ANK1: variants seen among roughly 807,000 people sequenced by gnomAD.
The protein encoded by ANK1 is ankyrin-1.
A neutral mutation model predicts 210.4 loss-of-function variants in ANK1; 51 were observed. The ratio of observed to expected loss-of-function variants is 0.24; its 90% confidence interval spans 0.19 to 0.31. The LOEUF is 0.31. Ranked by LOEUF, ANK1 falls within the 10% of genes least tolerant of loss-of-function variation. The pLI is 1.00. For synonymous variants in ANK1, 967 were observed against 1,025.9 expected, an observed-to-expected ratio of 0.94 and a Z score of 1.10; for missense variants, 2,051 against 2,504.4, an observed-to-expected ratio of 0.82 and a Z score of 3.86.
At chr8:41,744,934 T>A (rs1488170714) in intron 2 of ANK1, among the ~76,000 whole-genome samples, 1 of 152,136 alleles carries the variant, frequency 6.6e-6, no homozygotes, top group African/African-American at 2.4e-5. Flanking sequence ...TGGAAAACAG[T>A]CAAACACATG....
intron 1 of ANK1, among the ~76,000 whole-genome samples, chr8:41,833,697 G>T (rs1024059998): frequency 6.6e-6 from 1 of 152,228 alleles, no homozygotes; most frequent in South Asian, 2.1e-4. Flanking sequence ...TGAACAGGCA[G>T]TTATTAGGCA....
Position 41,708,946 on chromosome 8 carries a change from G to A in ANK1, c.1830C>T (p.Ala610=), listed in dbSNP as rs749507919. 1 of 1,614,050 alleles carries A rather than the reference G, an allele frequency of 6.2e-7. No homozygotes were observed. Among genetic ancestry groups the A allele is most frequent in the Non-Finnish European group, 8.5e-7 (1 of 1,180,028 alleles). The change falls in exon 17 of 43, where the codon GCC becomes GCT. Residue 610 remains alanine, a synonymous_variant. Coordinates refer to ENST00000289734, the MANE Select transcript of ANK1 (RefSeq NM_000037.4). The stretch of plus-strand genomic sequence containing the variant: ...GGGCCACCTCCACCTGGTTCTGCTT[G>A]GCAGCGATGTGCAAAGGGGTGTAGC... ...WNGYTPLHIA[A]KQNQVEVARS...
chr8:41,875,106 C>T (rs1007078910), intron 1 of ANK1, among the ~76,000 whole-genome samples: 5 of 152,132 alleles, frequency 3.3e-5, no homozygotes, highest in Non-Finnish European at 7.4e-5. Context: ...GGAAAGGGTA[C>T]GGGATGACCG....
intron 1 of ANK1, among the ~76,000 whole-genome samples, chr8:41,833,034 C>T (rs987126454): frequency 6.6e-6 from 1 of 152,216 alleles, no homozygotes; most frequent in Non-Finnish European, 1.5e-5. Context: ...AGGCAAACAG[C>T]ATGCCCTCTC....
At chr8:41,709,651 G>A (rs1171938299) in intron 16 of ANK1, among the ~76,000 whole-genome samples, 1 of 152,236 alleles carries the variant, frequency 6.6e-6, no homozygotes, top group East Asian at 1.9e-4. Flanking sequence ...GATATAAAAA[G>A]TTGGCAGGGC....
chr8:41,866,436 C>T (rs1190196057), intron 1 of ANK1, among the ~76,000 whole-genome samples: 1 of 145,674 alleles, frequency 6.9e-6, no homozygotes, highest in African/African-American at 2.8e-5. Flanking sequence ...TCAAGTAATC[C>T]TCCTGCCTTG....
chr8:41,792,705 T>A (rs1847987373), intron 1 of ANK1, among the ~76,000 whole-genome samples: 1 of 152,140 alleles, frequency 6.6e-6, no homozygotes, highest in Non-Finnish European at 1.5e-5. Flanking sequence ...TCTGATGAAG[T>A]GCAATGAGAG....
intron 2 of ANK1, among the ~76,000 whole-genome samples, chr8:41,744,221 A>G (rs904245206): frequency 6.6e-6 from 1 of 152,206 alleles, no homozygotes; most frequent in Non-Finnish European, 1.5e-5. Flanking sequence ...CTACACAAAT[A>G]AAGAAAAAAT....
At chr8:41,874,317 G>A (rs960783000) in intron 1 of ANK1, among the ~76,000 whole-genome samples, 40 of 152,228 alleles carry the variant, frequency 2.6e-4, no homozygotes, top group Admixed American at 2.6e-4. Flanking sequence ...GAAAGGCCTC[G>A]ATTTCAGATC....
chr8:41,734,658 G>A (rs1435173419), intron 2 of ANK1, among the ~76,000 whole-genome samples: 1 of 151,908 alleles, frequency 6.6e-6, no homozygotes, highest in Non-Finnish European at 1.5e-5. Flanking sequence ...TTGGGAGGCT[G>A]AAGCAGGCTG....
At chr8:41,795,361 T>G (rs73623029) in intron 1 of ANK1, among the ~76,000 whole-genome samples, 10,263 of 151,834 alleles carry the variant, frequency 0.068, 469 homozygotes, top group African/African-American at 0.12. Flanking sequence ...ATACAAAAAT[T>G]ATCCAAGCAT....
rs1807180429 is a variant in ANK1 at position 41,834,105 on chromosome 8, C to T, written c.126+62250G>A. Among the ~76,000 whole-genome samples, 6 of 152,128 alleles carry T rather than the reference C, an allele frequency of 3.9e-5. No individual in the cohort carries two copies. The South Asian group carries it at 1.2e-3, about 32-fold the overall frequency. On this transcript the variant is annotated intron_variant, in intron 1 of 42. Coordinates refer to the ANK1 transcript ENST00000265709. ...TGATCAGCAGGGGGTTTCCCCCTGT[C>T]CCAAGCAGCTGGAGGGCTCCCAGCA...
intron 23 of ANK1, among the ~76,000 whole-genome samples, chr8:41,699,165 C>T (rs1417403775): frequency 6.6e-6 from 1 of 152,034 alleles, no homozygotes; most frequent in Non-Finnish European, 1.5e-5. Context: ...GGATATAAGG[C>T]TGTGAATGAG....
chr8:41,794,485 C>T (rs765687719), intron 1 of ANK1, among the ~76,000 whole-genome samples: 11 of 152,140 alleles, frequency 7.2e-5, no homozygotes, highest in Non-Finnish European at 1.0e-4. Context: ...TTCCCTTGCC[C>T]GCTTCCCTCT....
intron 1 of ANK1, among the ~76,000 whole-genome samples, chr8:41,884,647 C>A (rs766871883): frequency 6.6e-6 from 1 of 152,104 alleles, no homozygotes; most frequent in African/African-American, 2.4e-5. Flanking sequence ...CCAGCCTGGG[C>A]AACATAGTGA....
At chr8:41,813,123 G>T (rs2150784542) in intron 1 of ANK1, among the ~76,000 whole-genome samples, 1 of 152,218 alleles carries the variant, frequency 6.6e-6, no homozygotes, top group East Asian at 1.9e-4. Context: ...AGCCAGTTGA[G>T]AAAATGTCTA....
At chr8:41,769,784 A>G (rs930633407) in intron 1 of ANK1, among the ~76,000 whole-genome samples, 2 of 152,118 alleles carry the variant, frequency 1.3e-5, no homozygotes, top group Non-Finnish European at 2.9e-5. Context: ...CCTGCCGGCC[A>G]GTCCACATCC....
chr8:41,842,326 T>C (rs1472755967), intron 1 of ANK1, among the ~76,000 whole-genome samples: 1 of 152,048 alleles, frequency 6.6e-6, no homozygotes, highest in Non-Finnish European at 1.5e-5. Context: ...CCCCCGTCTC[T>C]ACTAAAAATA....
At chr8:41,788,456 A>G (rs1363396423) in intron 1 of ANK1, among the ~76,000 whole-genome samples, 1 of 151,824 alleles carries the variant, frequency 6.6e-6, no homozygotes, top group Non-Finnish European at 1.5e-5. Context: ...AAGTTACCAG[A>G]ACTACATCTC....
Sources: allele counts gnomAD v4.1 joint callset (sites outside exome capture counted in the v4.1 genomes callset), GRCh38; gene constraint gnomAD v4.1.1; transcripts MANE v1.5; gene names NCBI Gene and HGNC (gene_info 2026-07-23, HGNC 2026-07-21).